SYTL2: variants seen among roughly 807,000 people sequenced by gnomAD.
The protein encoded by SYTL2 is synaptotagmin like 2, also known as synaptotagmin-like protein 2.
A neutral mutation model predicts 198.7 loss-of-function variants in SYTL2; 165 were observed. The observed-to-expected ratio is 0.83, with a 90% CI of 0.73 to 0.94. The LOEUF is 0.94. Ranked by LOEUF, SYTL2 falls within the 40% of genes least tolerant of loss-of-function variation. The probability of loss-of-function intolerance (pLI) is 0.00; values close to 1 mark genes in which losing one functional copy is unlikely to be tolerated. For missense variants in SYTL2, 2,835 were observed against 2,582.8 expected (o/e 1.10, Z -2.12); for synonymous variants, 966 against 917.7 (o/e 1.05, Z -0.95).
At chr11:85,834,692 G>A in the SYTL2 span, among the ~76,000 whole-genome samples, 1 of 151,978 alleles carries the variant, frequency 6.6e-6, no homozygotes, top group Non-Finnish European at 1.5e-5. Context: ...TAAGTGTTCT[G>A]AGGACATTTA....
At chr11:85,747,008 C>T (rs532579166) in intron 3 of SYTL2, among the ~76,000 whole-genome samples, 1 of 152,158 alleles carries the variant, frequency 6.6e-6, no homozygotes, top group African/African-American at 2.4e-5. Flanking sequence ...AATGCCTATC[C>T]TATATCACAT....
chr11:85,819,942 A>T, the SYTL2 span, among the ~76,000 whole-genome samples: 1 of 152,210 alleles, frequency 6.6e-6, no homozygotes, highest in East Asian at 1.9e-4. Flanking sequence ...CCTCTCTCTC[A>T]ATGTCCAGCA....
the SYTL2 span, among the ~76,000 whole-genome samples, chr11:85,822,025 C>A: frequency 6.6e-6 from 1 of 152,242 alleles, no homozygotes; most frequent in Non-Finnish European, 1.5e-5. Flanking sequence ...ACTCATTTAT[C>A]TGCTTTCCAT....
At chr11:85,792,304 G>A (rs542906501) in intron 1 of SYTL2, among the ~76,000 whole-genome samples, 2 of 152,132 alleles carry the variant, frequency 1.3e-5, no homozygotes, top group East Asian at 3.9e-4. Flanking sequence ...GGGTAGTTAA[G>A]AATAGACTAT....
At chr11:85,819,299 A>T in the SYTL2 span, among the ~76,000 whole-genome samples, 1 of 152,242 alleles carries the variant, frequency 6.6e-6, no homozygotes, top group Admixed American at 6.5e-5. Flanking sequence ...CAACTGTTTC[A>T]GTTATCTATT....
the SYTL2 span, among the ~76,000 whole-genome samples, chr11:85,843,116 A>C: frequency 6.6e-6 from 1 of 152,128 alleles, no homozygotes; most frequent in African/African-American, 2.4e-5. Flanking sequence ...GCTCATGCCT[A>C]TAATCCCAGC....
chr11:85,740,117 C>T (rs1433660532), intron 4 of SYTL2, among the ~76,000 whole-genome samples: 1 of 152,142 alleles, frequency 6.6e-6, no homozygotes, highest in Non-Finnish European at 1.5e-5. Flanking sequence ...TTTGCAGGAT[C>T]CTCAAGGCCT....
At chr11:85,739,253 CTT>C (rs34147924) in intron 4 of SYTL2, among the ~76,000 whole-genome samples, 94 of 124,388 alleles carry the variant, frequency 7.6e-4, no homozygotes, top group African/African-American at 1.7e-3. Flanking sequence ...AGGAGGCTGG[CTT>C]TTTTTTTTTT....
chr11:85,832,236 G>T, the SYTL2 span, among the ~76,000 whole-genome samples: 1 of 152,128 alleles, frequency 6.6e-6, no homozygotes, highest in Admixed American at 6.5e-5. Flanking sequence ...TACATCATTT[G>T]TTACCCTCAT....
intron 8 of SYTL2, 30 bp from the exon 9 acceptor site, chr11:85,720,989 C>A (rs748660291): frequency 3.8e-6 from 5 of 1,319,210 alleles, no homozygotes; most frequent in African/African-American, 1.5e-5. Context: ...ATGAACACTG[C>A]ACAATACCAA....
the SYTL2 span, among the ~76,000 whole-genome samples, chr11:85,825,643 C>A: frequency 1.3e-5 from 2 of 152,048 alleles, no homozygotes; most frequent in African/African-American, 4.8e-5. Context: ...AAGTGTTAGG[C>A]AAGGAAACTG....
chr11:85,850,657 C>A, the SYTL2 span, among the ~76,000 whole-genome samples: 2,781 of 150,668 alleles, frequency 0.018, 86 homozygotes, highest in African/African-American at 0.063. Flanking sequence ...ACCATTTGAC[C>A]CAGCCATTCC....
In SYTL2 at chr11:85,720,815, A is replaced by G. The variant is rs1361448396; in HGVS notation, c.5428+43T>C. On this transcript the variant is annotated intron_variant, in intron 9 of 19. Coordinates refer to ENST00000359152, the MANE Select transcript of SYTL2 (RefSeq NM_206927.4). ...ACAGGAGAGCACATAGGCATTTTTA[A>G]GCTTAGATGGGGCATGAACAGTGAG... 5 of 1,406,866 alleles carry G rather than the reference A, an allele frequency of 3.6e-6. No individual in the cohort carries two copies. The Admixed American group carries it at 8.4e-5, about 24-fold the overall frequency. 87.1% of individuals were successfully genotyped at this position (1,406,866 alleles called of 1,614,324 possible). A position where few individuals can be genotyped will look rare whatever the true frequency, so the allele number is the denominator to read the frequency against.
chr11:85,806,616 G>C (rs1380401026), intron 1 of SYTL2, among the ~76,000 whole-genome samples: 1 of 152,178 alleles, frequency 6.6e-6, no homozygotes, highest in African/African-American at 2.4e-5. Context: ...ATGATCTGTG[G>C]ATCATGTGTT....
chr11:85,830,035 A>T, the SYTL2 span, among the ~76,000 whole-genome samples: 1 of 152,200 alleles, frequency 6.6e-6, no homozygotes, highest in Non-Finnish European at 1.5e-5. Context: ...TTCTCTTTAT[A>T]CACAGTTAAC....
At chr11:85,775,709 G>C (rs1470712053) in intron 1 of SYTL2, among the ~76,000 whole-genome samples, 1 of 152,126 alleles carries the variant, frequency 6.6e-6, no homozygotes, top group African/African-American at 2.4e-5. Context: ...TTGAACTCCT[G>C]ACCTCAAGTA....
intron 1 of SYTL2, among the ~76,000 whole-genome samples, chr11:85,766,376 T>C (rs1475656612): frequency 6.6e-6 from 1 of 152,246 alleles, no homozygotes; most frequent in Non-Finnish European, 1.5e-5. Flanking sequence ...TTAAACTTCA[T>C]ACCTGAGCTG....
intron 9 of SYTL2, 49 bp from the exon 10 acceptor site, chr11:85,718,892 GAA>G: frequency 6.2e-7 from 1 of 1,603,114 alleles, no homozygotes; most frequent in Non-Finnish European, 8.5e-7. Context: ...CCCTTGGAGA[GAA>G]AAGAACAATG....
intron 1 of SYTL2, among the ~76,000 whole-genome samples, chr11:85,807,031 C>T (rs1406677476): frequency 1.3e-5 from 2 of 152,248 alleles, no homozygotes; most frequent in Non-Finnish European, 2.9e-5. Context: ...CTGGCACTCA[C>T]ATGCCCCCAT....
Sources: gnomAD v4.1 joint callset for allele counts (sites outside exome capture counted in the v4.1 genomes callset) on GRCh38, gnomAD v4.1.1 for gene constraint, MANE v1.5 for transcripts, NCBI Gene and HGNC (gene_info 2026-07-23, HGNC 2026-07-21) for gene names.